DSCAM: variants seen among roughly 807,000 people sequenced by gnomAD.
DSCAM encodes DS cell adhesion molecule, also known as cell adhesion molecule DSCAM.
DSCAM carries 47 observed loss-of-function variants against 217.7 expected under a neutral mutation model. The ratio of observed to expected loss-of-function variants is 0.22; its 90% confidence interval spans 0.17 to 0.28. DSCAM has a LOEUF of 0.28. DSCAM is among the 10% of genes least tolerant of loss of function. DSCAM has a pLI of 1.00. For missense variants in DSCAM, 2,080 were observed against 2,618.3 expected (o/e 0.79, Z 4.49); for synonymous variants, 1,056 against 1,015.3 (o/e 1.04, Z -0.76).
intron 11 of DSCAM, among the ~76,000 whole-genome samples, chr21:40,199,239 A>G (rs548868400): frequency 1.3e-5 from 2 of 152,284 alleles, no homozygotes; most frequent in Admixed American, 1.3e-4. Context: ...TGTGGTCCCT[A>G]TTCCTTACAT....
At chr21:40,051,335 T>A (rs1375078319) in intron 30 of DSCAM, among the ~76,000 whole-genome samples, 1 of 152,210 alleles carries the variant, frequency 6.6e-6, no homozygotes, top group Non-Finnish European at 1.5e-5. Flanking sequence ...AGTAATTAAT[T>A]TCCATATATT....
chr21:40,824,881 A>C (rs1569055414), intron 1 of DSCAM, among the ~76,000 whole-genome samples: 1 of 152,158 alleles, frequency 6.6e-6, no homozygotes, highest in Non-Finnish European at 1.5e-5. Context: ...CTTAAAAGTA[A>C]AGTTTTTAAA....
intron 1 of DSCAM, among the ~76,000 whole-genome samples, chr21:40,843,464 T>C (rs2123692154): frequency 6.6e-6 from 1 of 151,968 alleles, no homozygotes; most frequent in African/African-American, 2.4e-5. Context: ...ATAAATCTAA[T>C]TCTTCATCAT....
chr21:40,184,973 C>T (rs2146820433), intron 14 of DSCAM, among the ~76,000 whole-genome samples: 1 of 152,242 alleles, frequency 6.6e-6, no homozygotes, highest in Admixed American at 6.5e-5. Context: ...AATGTCTTCC[C>T]TTCTTAGAGT....
rs555158406 is a variant in DSCAM, at chr21:40,272,616, G to GC, written c.2356+3480dup. Among the ~76,000 whole-genome samples, 20 of 152,282 alleles carry GC rather than the reference G, an allele frequency of 1.3e-4. No homozygotes were observed. The South Asian group carries it at 2.5e-3, about 19-fold the overall frequency. On this transcript the variant is annotated intron_variant, in intron 11 of 32. Coordinates refer to ENST00000400454, the MANE Select transcript of DSCAM (RefSeq NM_001389.5). ...CAGGGTTCGCAGGATCTCACAGTGA[G>GC]CCCCCAGAAGCAGGTCCTATCCGGA...
At chr21:40,247,093 G>C (rs191754545) in intron 11 of DSCAM, among the ~76,000 whole-genome samples, 74 of 152,232 alleles carry the variant, frequency 4.9e-4, no homozygotes, top group Middle Eastern at 3.4e-3. Context: ...ACTATCATGA[G>C]AATAGCATGT....
intron 20 of DSCAM, among the ~76,000 whole-genome samples, chr21:40,101,851 G>C (rs2089756289): frequency 6.6e-6 from 1 of 152,070 alleles, no homozygotes; most frequent in Non-Finnish European, 1.5e-5. Flanking sequence ...AGGGATGTTG[G>C]CGAGAGTTAT....
At chr21:40,096,405 T>G (rs2146598165) in intron 20 of DSCAM, among the ~76,000 whole-genome samples, 1 of 152,332 alleles carries the variant, frequency 6.6e-6, no homozygotes, top group South Asian at 2.1e-4. Context: ...TGGGCACGCA[T>G]CCTCACTTTG....
At chr21:40,154,177 T>C (rs561047643) in intron 16 of DSCAM, among the ~76,000 whole-genome samples, 1 of 150,646 alleles carries the variant, frequency 6.6e-6, no homozygotes, top group Non-Finnish European at 1.5e-5. Flanking sequence ...TCCTCTCCTT[T>C]CTTCTTCCTT....
chr21:40,308,027 T>G lies in DSCAM; in HGVS notation c.2062+4054A>C, dbSNP rs112213357. Among the ~76,000 whole-genome samples the G allele has an allele frequency of 9.6e-3, 1,457 of 151,994 alleles. 24 individuals are homozygous for G. Among genetic ancestry groups the G allele is most frequent in the African/African-American group, 0.034 (1,395 of 41,444 alleles). On this transcript the variant is annotated intron_variant, in intron 9 of 32. Coordinates refer to ENST00000400454, the MANE Select transcript of DSCAM (RefSeq NM_001389.5). ...GCAGCACACCAGCATGGCACATGTA[T>G]ACATATGTAACTAACCTGCACATTG...
At chr21:40,365,868 TC>T (rs1480827744) in intron 4 of DSCAM, among the ~76,000 whole-genome samples, 4 of 152,136 alleles carry the variant, frequency 2.6e-5, no homozygotes, top group African/African-American at 9.7e-5. Flanking sequence ...GAATGACTTG[TC>T]CAAATAACTA....
intron 27 of DSCAM, among the ~76,000 whole-genome samples, chr21:40,069,567 A>G (rs2089259956): frequency 6.6e-6 from 1 of 152,226 alleles, no homozygotes; most frequent in Non-Finnish European, 1.5e-5. Context: ...CTACATTTTC[A>G]TATCTGAAGT....
At chr21:40,456,393 T>G (rs1056306108) in intron 3 of DSCAM, among the ~76,000 whole-genome samples, 2 of 152,030 alleles carry the variant, frequency 1.3e-5, no homozygotes, top group African/African-American at 4.8e-5. Flanking sequence ...TGGGATAACA[T>G]CTATGAAATT....
At chr21:40,225,803 G>T (rs1212277014) in intron 11 of DSCAM, among the ~76,000 whole-genome samples, 2 of 152,104 alleles carry the variant, frequency 1.3e-5, no homozygotes, top group African/African-American at 4.8e-5. Flanking sequence ...GTGAACTAAG[G>T]GGAGAAGAAA....
intron 3 of DSCAM, among the ~76,000 whole-genome samples, chr21:40,656,252 C>G (rs1378682329): frequency 6.6e-6 from 1 of 152,164 alleles, no homozygotes; most frequent in Non-Finnish European, 1.5e-5. Flanking sequence ...TTGAAGGCTA[C>G]ATTCAACCTT....
chr21:40,695,459 T>G (rs1197335055), intron 2 of DSCAM, among the ~76,000 whole-genome samples: 1 of 152,154 alleles, frequency 6.6e-6, no homozygotes, highest in Non-Finnish European at 1.5e-5. Context: ...GTAGTCACAA[T>G]TTTAAACCTG....
intron 32 of DSCAM, among the ~76,000 whole-genome samples, chr21:40,031,219 T>A (rs920419229): frequency 6.6e-6 from 1 of 152,216 alleles, no homozygotes. Flanking sequence ...GGGGGAGGCA[T>A]GTACCTTAGA....
At chr21:40,037,408 CA>C (rs2088647341) in intron 32 of DSCAM, among the ~76,000 whole-genome samples, 2 of 145,610 alleles carry the variant, frequency 1.4e-5, no homozygotes, top group Admixed American at 1.4e-4. Context: ...AGTGAACTCC[CA>C]TTCACAATTG....
At chr21:40,263,909 G>A (rs1414636283) in intron 11 of DSCAM, among the ~76,000 whole-genome samples, 1 of 152,090 alleles carries the variant, frequency 6.6e-6, no homozygotes, top group African/African-American at 2.4e-5. Context: ...GATCATTTGA[G>A]ACTACTATGA....
Sources: allele counts gnomAD v4.1 joint callset (sites outside exome capture counted in the v4.1 genomes callset), GRCh38; gene constraint gnomAD v4.1.1; transcripts MANE v1.5; gene names NCBI Gene and HGNC (gene_info 2026-07-23, HGNC 2026-07-21).